Variants in RUFY2 observed in about 807,000 individuals in gnomAD.
RUFY2 encodes the protein RUN and FYVE domain-containing protein 2.
RUFY2 carries 49 observed loss-of-function variants against 94.4 expected under a neutral mutation model. The ratio of observed to expected loss-of-function variants is 0.52; its 90% CI spans 0.41 to 0.66. RUFY2 has a LOEUF of 0.66. Among genes scored for constraint, RUFY2 ranks in the 30% least tolerant of loss-of-function variants. The probability of loss-of-function intolerance (pLI) is 0.00; values close to 1 mark genes in which losing one functional copy is unlikely to be tolerated. For missense variants in RUFY2, 541 were observed against 692.8 expected, an observed-to-expected ratio of 0.78 and a Z score of 2.46; for synonymous variants, 255 against 235.7, an observed-to-expected ratio of 1.08 and a Z score of -0.75.
At chr10:68,401,037 G>A (rs1169064407) in intron 3 of RUFY2, among the ~76,000 whole-genome samples, 1 of 152,116 alleles carries the variant, frequency 6.6e-6, no homozygotes, top group African/African-American at 2.4e-5. Flanking sequence ...TTTAAGAACT[G>A]AGTCTTAACA....
At position 68,384,148 on chromosome 10, in the gene RUFY2, G is replaced by A; in HGVS notation, c.725C>T (p.Ala242Val). 6.2e-7 allele frequency: 1 copy of A among 1,605,960 alleles called. No individual in the cohort carries two copies. Among genetic ancestry groups the A allele is most frequent in the Non-Finnish European group, 8.5e-7 (1 of 1,178,828 alleles). The change falls in exon 9 of 18, where the codon GCA becomes GTA. Residue 242 changes from alanine (A) to valine (V), a missense_variant. Physicochemically the swap from Ala to Val is moderately conservative, Grantham distance 64. Coordinates refer to ENST00000602465, the MANE Select transcript of RUFY2 (RefSeq NM_001330103.2). The stretch of plus-strand genomic sequence containing the variant: ...TTTAATGATGTTATTCTTTGCTATT[G>A]CTAACTAAAAATTAAGAAACGGGCA... ...KSNTKLIEEL[A>V]IAKNNIIKLQ...
chr10:68,349,943 C>CT (rs1290114908), intron 16 of RUFY2, among the ~76,000 whole-genome samples: 1 of 152,048 alleles, frequency 6.6e-6, no homozygotes, highest in African/African-American at 2.4e-5. Context: ...AAAAATATGC[C>CT]TGCAGAAAAA....
intron 13 of RUFY2, among the ~76,000 whole-genome samples, chr10:68,367,894 C>A (rs2047972716): frequency 6.6e-6 from 1 of 151,978 alleles, no homozygotes; most frequent in African/African-American, 2.4e-5. Flanking sequence ...GCCACCACAC[C>A]TGGCCCTGTT....
At chr10:68,388,352 A>G (rs950210053) in intron 7 of RUFY2, among the ~76,000 whole-genome samples, 7 of 152,006 alleles carry the variant, frequency 4.6e-5, no homozygotes, top group African/African-American at 1.7e-4. Context: ...AATCCCAGCT[A>G]CTCGGAAGGC....
intron 7 of RUFY2, among the ~76,000 whole-genome samples, chr10:68,387,062 T>C (rs927835081): frequency 1.3e-5 from 2 of 152,124 alleles, no homozygotes; most frequent in African/African-American, 4.8e-5. Flanking sequence ...TTATTGTATA[T>C]TTTAAGAATG....
intron 12 of RUFY2, chr10:68,377,308 A>G: frequency 9.0e-7 from 1 of 1,110,114 alleles, no homozygotes; most frequent in Non-Finnish European, 1.1e-6. Flanking sequence ...TAGGTATGTT[A>G]CTACCTTTTT....
intron 3 of RUFY2, among the ~76,000 whole-genome samples, chr10:68,398,245 G>T (rs1410928793): frequency 2.0e-5 from 3 of 151,990 alleles, no homozygotes; most frequent in Non-Finnish European, 4.4e-5. Flanking sequence ...TGCCAGGCTA[G>T]TAATTAAAGA....
intron 13 of RUFY2, among the ~76,000 whole-genome samples, chr10:68,369,145 T>A (rs1441883888): frequency 6.6e-6 from 1 of 152,208 alleles, no homozygotes; most frequent in Admixed American, 6.5e-5. Context: ...ATGTTTGTCC[T>A]CTTCAAAACT....
intron 1 of RUFY2, 76 bp from the exon 2 acceptor site, chr10:68,404,920 C>T (rs1180943375): frequency 1.6e-6 from 2 of 1,224,776 alleles, no homozygotes; most frequent in African/African-American, 3.1e-5. Flanking sequence ...TTCCCTTCCC[C>T]TATAAAAACC....
At chr10:68,350,528 G>A (rs2046588670) in intron 16 of RUFY2, among the ~76,000 whole-genome samples, 1 of 152,132 alleles carries the variant, frequency 6.6e-6, no homozygotes. Flanking sequence ...GAGAAAAGCA[G>A]ATAATATTCT....
Position 68,355,411 on chromosome 10 carries a change from T to G in RUFY2, c.1551-10A>C, listed in dbSNP as rs761672910. On this transcript the variant is annotated splice_polypyrimidine_tract_variant and intron_variant, in intron 15 of 17. Coordinates refer to ENST00000602465, the MANE Select transcript of RUFY2 (RefSeq NM_001330103.2). ...AATTTTAAGTTTTGATCTAAAAAGA[T>G]TACAAATAGGTCCAAATTTCAGTAC... 1.3e-6 allele frequency: 2 copies of G among 1,580,860 alleles called. No individual in the cohort carries two copies. The highest frequency in any genetic ancestry group is 2.2e-5 in the South Asian group (2 of 90,048).
intron 7 of RUFY2, among the ~76,000 whole-genome samples, chr10:68,391,618 C>T (rs2049989294): frequency 1.3e-5 from 2 of 149,096 alleles, no homozygotes; most frequent in African/African-American, 5.0e-5. Flanking sequence ...CTGCCCTCTA[C>T]CCTCCAGCCT....
At chr10:68,355,213 C>A (rs1173577407) in intron 16 of RUFY2, 140 bp downstream of exon 16, 5 of 580,436 alleles carry the variant, frequency 8.6e-6, no homozygotes, top group Non-Finnish European at 1.5e-5. Context: ...AAGAGCTGAA[C>A]CCCCAGCATC....
intron 13 of RUFY2, among the ~76,000 whole-genome samples, chr10:68,372,583 TAA>T (rs770098226): frequency 4.3e-4 from 41 of 96,352 alleles, no homozygotes; most frequent in Admixed American, 1.0e-3. Context: ...CCTCTCTCTT[TAA>T]AAAAAAAAAA....
rs2049268486 is a variant in RUFY2, at chr10:68,383,709, T to C, written c.939+89A>G. The C allele has an allele frequency of 4.3e-6, 4 of 926,510 alleles. No homozygotes were observed. The African/African-American group carries it at 4.9e-5, about 11-fold the overall frequency. 57.4% of individuals were successfully genotyped at this position (926,510 alleles called of 1,614,324 possible). On this transcript the variant is annotated intron_variant, in intron 10 of 17. Coordinates refer to ENST00000602465, the MANE Select transcript of RUFY2 (RefSeq NM_001330103.2). ...TTGCTACATACCACACCAAAAAGGA[T>C]AAGGCTGAAAAAGATTTTAAATGGT...
intron 12 of RUFY2, chr10:68,377,218 CT>C: frequency 1.5e-6 from 2 of 1,334,654 alleles, no homozygotes; most frequent in Non-Finnish European, 1.9e-6. Flanking sequence ...TGTTTTATTT[CT>C]TGTTCATAAT....
intron 16 of RUFY2, chr10:68,346,616 TTAAAA>T (rs1341580965): frequency 6.6e-6 from 1 of 152,458 alleles, no homozygotes; most frequent in Non-Finnish European, 1.5e-5. Context: ...GAAAAAAACC[TTAAAA>T]TAGTACAACA....
intron 11 of RUFY2, among the ~76,000 whole-genome samples, chr10:68,380,859 CT>C (rs1195441330): frequency 6.6e-6 from 1 of 151,528 alleles, no homozygotes; most frequent in Non-Finnish European, 1.5e-5. Flanking sequence ...GAGACTCCAT[CT>C]CAAAAAAAAA....
At chr10:68,360,304 G>A (rs2047370325) in intron 15 of RUFY2, among the ~76,000 whole-genome samples, 1 of 151,812 alleles carries the variant, frequency 6.6e-6, no homozygotes, top group Non-Finnish European at 1.5e-5. Context: ...ATTTAAAAAA[G>A]AATCCTTCAA....
Sources: gnomAD v4.1 joint callset for allele counts (sites outside exome capture counted in the v4.1 genomes callset) on GRCh38, gnomAD v4.1.1 for gene constraint, MANE v1.5 for transcripts, NCBI Gene and HGNC (gene_info 2026-07-23, HGNC 2026-07-21) for gene names.